IL1RAPL2: variants seen among roughly 807,000 people sequenced by gnomAD.
The protein encoded by IL1RAPL2 is interleukin 1 receptor accessory protein like 2, also known as X-linked interleukin-1 receptor accessory protein-like 2.
IL1RAPL2 carries 3 observed loss-of-function variants against 44.1 expected under a neutral mutation model. The ratio of observed to expected loss-of-function variants is 0.07; its 90% CI spans 0.03 to 0.18. The LOEUF (loss-of-function observed/expected upper bound fraction) is 0.18, where lower values mean the gene tolerates loss of function less well. IL1RAPL2 is among the 10% of genes least tolerant of loss of function. The pLI, the probability that IL1RAPL2 is intolerant of heterozygous loss-of-function variation, is 1.00. For synonymous variants in IL1RAPL2, 181 were observed against 178.8 expected (o/e 1.01, Z -0.10); for missense variants, 391 against 496.4 (o/e 0.79, Z 2.02).
At position 105,032,064 on chromosome X, in the gene IL1RAPL2, C is replaced by G. The variant is rs191041396; in HGVS notation, c.83-163411C>G. On this transcript the variant is annotated intron_variant, in intron 2 of 10. Transcript: ENST00000372582. ...GGTAGTTTGTATTTCTGTGGGATCG[C>G]TGGTGATATCCCCTTTATCATTTTT... Among the ~76,000 whole-genome samples the G allele has an allele frequency of 3.1e-4, 34 of 111,124 alleles. 1 individual carries two copies. Among genetic ancestry groups the G allele is most frequent in the African/African-American group, 7.9e-4 (24 of 30,557 alleles).
chrX:105,414,663 T>G (rs1338588418), intron 5 of IL1RAPL2, among the ~76,000 whole-genome samples: 2 of 111,602 alleles, frequency 1.8e-5, no homozygotes, highest in African/African-American at 6.5e-5. Context: ...TTCATTTGAT[T>G]GAAAAGCTCT....
intron 6 of IL1RAPL2, among the ~76,000 whole-genome samples, chrX:105,552,368 C>T (rs1364704200): frequency 8.9e-6 from 1 of 112,177 alleles, no homozygotes; most frequent in African/African-American, 3.2e-5. Context: ...TGGTAACTAA[C>T]CACACTTGCA....
At chrX:105,141,940 G>T (rs1445402929) in intron 2 of IL1RAPL2, among the ~76,000 whole-genome samples, 2 of 111,895 alleles carry the variant, frequency 1.8e-5, no homozygotes, top group Non-Finnish European at 3.8e-5. Context: ...GATTATAACT[G>T]CATTTATTAC....
intron 3 of IL1RAPL2, among the ~76,000 whole-genome samples, chrX:105,196,796 G>A (rs2033676592): frequency 9.0e-6 from 1 of 111,473 alleles, no homozygotes; most frequent in Admixed American, 9.5e-5. Context: ...TATTGAAGTA[G>A]GTAGCTGAGA....
At chrX:104,878,536 A>G (rs1034945824) in intron 2 of IL1RAPL2, among the ~76,000 whole-genome samples, 1 of 112,110 alleles carries the variant, frequency 8.9e-6, no homozygotes, top group Non-Finnish European at 1.9e-5. Flanking sequence ...CCACAAAGGT[A>G]GATATCAGAA....
At chrX:105,057,948 A>ATT (rs763809656) in intron 2 of IL1RAPL2, among the ~76,000 whole-genome samples, 14 of 52,326 alleles carry the variant, frequency 2.7e-4, no homozygotes, top group African/African-American at 7.4e-4. Context: ...CACCCAGCTA[A>ATT]TTTTTTTTTT....
intron 2 of IL1RAPL2, among the ~76,000 whole-genome samples, chrX:104,759,337 G>A (rs1932390248): frequency 8.9e-6 from 1 of 111,769 alleles, no homozygotes; most frequent in South Asian, 3.7e-4. Context: ...ATGGCAACCA[G>A]TATCATGGGG....
At chrX:105,145,030 G>A (rs1430810020) in intron 2 of IL1RAPL2, among the ~76,000 whole-genome samples, 2 of 111,446 alleles carry the variant, frequency 1.8e-5, no homozygotes, top group Non-Finnish European at 3.8e-5. Context: ...ACATGAAAGA[G>A]GGCCTGGCTG....
intron 5 of IL1RAPL2, among the ~76,000 whole-genome samples, chrX:105,483,111 C>T (rs1569446441): frequency 9.2e-6 from 1 of 108,683 alleles, no homozygotes. Flanking sequence ...CATCCCCACA[C>T]ACTGCAGCAT....
At chrX:104,712,464 G>A (rs1025413350) in intron 2 of IL1RAPL2, among the ~76,000 whole-genome samples, 1 of 110,355 alleles carries the variant, frequency 9.1e-6, no homozygotes, top group Non-Finnish European at 1.9e-5. Flanking sequence ...ATGTGCTTTA[G>A]ACCTATATGT....
intron 7 of IL1RAPL2, among the ~76,000 whole-genome samples, chrX:105,733,359 A>G (rs2038420652): frequency 9.1e-6 from 1 of 110,460 alleles, no homozygotes; most frequent in South Asian, 3.8e-4. Context: ...GTTTTTTGGT[A>G]TTTATTCTGC....
At chrX:104,694,187 G>A in intron 2 of IL1RAPL2, among the ~76,000 whole-genome samples, 1 of 111,896 alleles carries the variant, frequency 8.9e-6, no homozygotes, top group Non-Finnish European at 1.9e-5. Context: ...CCTTTTCATT[G>A]TTCCTCAGAA....
chrX:105,548,170 A>T, intron 6 of IL1RAPL2, among the ~76,000 whole-genome samples: 1 of 111,823 alleles, frequency 8.9e-6, no homozygotes. Context: ...AATAAAACAG[A>T]TGTGATCCTT....
At chrX:105,347,205 T>C (rs1031604701) in intron 5 of IL1RAPL2, among the ~76,000 whole-genome samples, 2 of 112,138 alleles carry the variant, frequency 1.8e-5, no homozygotes, top group African/African-American at 6.5e-5. Flanking sequence ...CATTTCTTGC[T>C]TCTGACTCTT....
intron 6 of IL1RAPL2, among the ~76,000 whole-genome samples, chrX:105,700,940 T>C (rs210431): frequency 0.45 from 49,065 of 109,213 alleles, 8,951 homozygotes; most frequent in African/African-American, 0.67. Flanking sequence ...CCAGTGGTGC[T>C]TCAGGTTTAC....
intron 2 of IL1RAPL2, among the ~76,000 whole-genome samples, chrX:104,968,307 A>G (rs1475881144): frequency 8.9e-6 from 1 of 111,932 alleles, no homozygotes; most frequent in Non-Finnish European, 1.9e-5. Flanking sequence ...TATATACAGT[A>G]AAAACATTTG....
At chrX:105,269,704 T>C (rs189899589) in intron 5 of IL1RAPL2, among the ~76,000 whole-genome samples, 1 of 111,787 alleles carries the variant, frequency 8.9e-6, no homozygotes, top group African/African-American at 3.2e-5. Flanking sequence ...GACCTGACCA[T>C]GCACAAAGCG....
chrX:105,456,302 G>A (rs1161274844), intron 5 of IL1RAPL2, among the ~76,000 whole-genome samples: 1 of 111,455 alleles, frequency 9.0e-6, no homozygotes, highest in East Asian at 2.8e-4. Context: ...CCTGTTTGGT[G>A]CTCTTTATTT....
intron 2 of IL1RAPL2, among the ~76,000 whole-genome samples, chrX:105,067,118 T>C (rs1000262051): frequency 1.8e-5 from 2 of 112,105 alleles, no homozygotes. Flanking sequence ...GCATAGAAGA[T>C]GTTACCATGT....
Sources: allele counts gnomAD v4.1 joint callset (sites outside exome capture counted in the v4.1 genomes callset), GRCh38; gene constraint gnomAD v4.1.1; transcripts MANE v1.5; gene names NCBI Gene and HGNC (gene_info 2026-07-23, HGNC 2026-07-21).